The following FANCL variants were observed in gnomAD, a reference collection of about 807,000 sequenced individuals.
The protein encoded by FANCL is FA complementation group L, also known as E3 ubiquitin-protein ligase FANCL.
Under a neutral mutation model 59.4 loss-of-function variants are expected in FANCL, and 69 were observed. That is an observed-to-expected ratio of 1.16 (90% CI 0.96 to 1.42). The LOEUF (loss-of-function observed/expected upper bound fraction) is 1.42. FANCL is among the 40% of genes most tolerant of loss of function. FANCL has a pLI of 0.00. For synonymous variants in FANCL, 180 were observed against 147.1 expected (o/e 1.22, Z -1.62); for missense variants, 519 against 447.2 (o/e 1.16, Z -1.45).
At position 58,159,514 on chromosome 2, in the gene FANCL, T is replaced by A. The variant is rs558816519; in HGVS notation, c.*251A>T. The stretch of plus-strand genomic sequence containing the variant: ...ATTCAAGAAGTCAAGATCTCCATCT[T>A]GGTATAAATACACTTCCACAGTCAG... On this transcript the variant is annotated 3_prime_UTR_variant, in exon 14 of 14. Transcript: ENST00000233741. The A allele has an allele frequency of 1.4e-4, 222 of 1,613,802 alleles. 2 individuals are homozygous for A. The South Asian group carries it at 2.3e-3, about 17-fold the overall frequency.
chr2:58,227,662 C>T (rs1426374390), intron 3 of FANCL, among the ~76,000 whole-genome samples: 1 of 152,188 alleles, frequency 6.6e-6, no homozygotes, highest in Non-Finnish European at 1.5e-5. Context: ...CGTCCAGCCA[C>T]TTGTGTGTGT....
chr2:58,192,564 T>C (rs1323677591), intron 7 of FANCL, among the ~76,000 whole-genome samples: 3 of 151,978 alleles, frequency 2.0e-5, no homozygotes, highest in Non-Finnish European at 4.4e-5. Flanking sequence ...TATATCTACA[T>C]AGGATACAAA....
In FANCL at chr2:58,222,013, C is replaced by T; in HGVS notation, c.303G>A (p.Leu101=). The change falls in exon 5 of 14, where the codon CTG becomes CTA. Residue 101 remains leucine, a synonymous_variant. Coordinates refer to ENST00000233741, the MANE Select transcript of FANCL (RefSeq NM_018062.4). ...LEVALKNRQE[L]YALPPPPQFY... ...ACTGGGGAGGAGGAGGTAGTGCATA[C>T]AGCTCTTGTCTATTCTTTAAGGCAA... The T allele has an allele frequency of 4.3e-6, 7 of 1,613,400 alleles. No homozygotes were observed. The highest frequency in any genetic ancestry group is 5.9e-6 in the Non-Finnish European group (7 of 1,179,516).
Position 58,188,805 on chromosome 2 carries a change from C to A in FANCL, c.540+9789G>T, listed in dbSNP as rs577233560. On this transcript the variant is annotated intron_variant, in intron 7 of 13. Transcript: ENST00000233741. Reference sequence around the variant, plus strand: ...AAAAGAGCTGTTGGGATTTTGATTGCGAATGCATTGAATCTCTAGATCAAT... The same window carrying A: ...AAAAGAGCTGTTGGGATTTTGATTGAGAATGCATTGAATCTCTAGATCAAT... Among the ~76,000 whole-genome samples, 4 of 151,100 alleles carry A rather than the reference C, an allele frequency of 2.6e-5. 1 individual carries two copies. The highest frequency in any genetic ancestry group is 7.3e-5 in the African/African-American group (3 of 41,168).
intron 1 of FANCL, among the ~76,000 whole-genome samples, chr2:58,235,639 A>G (rs1348688464): frequency 1.3e-5 from 2 of 152,136 alleles, no homozygotes; most frequent in Admixed American, 6.6e-5. Context: ...CCAAGCACAT[A>G]TATTTCCTGC....
At chr2:58,205,558 T>C (rs1690500266) in intron 5 of FANCL, among the ~76,000 whole-genome samples, 1 of 152,084 alleles carries the variant, frequency 6.6e-6, no homozygotes, top group Non-Finnish European at 1.5e-5. Flanking sequence ...GTTAAGCACA[T>C]GCATTTATAT....
At position 58,197,703 on chromosome 2, in the gene FANCL, T is replaced by C. The variant is rs576710880; in HGVS notation, c.540+891A>G. 3.9e-5 allele frequency among the ~76,000 whole-genome samples: 6 copies of C among 152,304 alleles called. No homozygotes were observed. In the South Asian group the frequency reaches 6.2e-4, roughly 16 times the overall value. On this transcript the variant is annotated intron_variant, in intron 7 of 13. Coordinates refer to ENST00000233741, the MANE Select transcript of FANCL (RefSeq NM_018062.4). Reference sequence around the variant, plus strand: ...TCTTCTGTATTCTTTACTCAAAATATTGAATGTTCTAAAGCACAAAATAAA... The same window carrying C: ...TCTTCTGTATTCTTTACTCAAAATACTGAATGTTCTAAAGCACAAAATAAA...
intron 7 of FANCL, among the ~76,000 whole-genome samples, chr2:58,168,105 A>G (rs1686142562): frequency 6.6e-6 from 1 of 152,208 alleles, no homozygotes. Flanking sequence ...AGGGAGATGA[A>G]TTCTCTAAAA....
At chr2:58,203,587 T>A (rs930861098) in intron 6 of FANCL, among the ~76,000 whole-genome samples, 1 of 152,036 alleles carries the variant, frequency 6.6e-6, no homozygotes, top group Admixed American at 6.6e-5. Context: ...TTTGTGATTA[T>A]AGATCACTAT....
intron 1 of FANCL, among the ~76,000 whole-genome samples, chr2:58,232,326 C>G (rs374422445): frequency 6.6e-6 from 1 of 151,966 alleles, no homozygotes; most frequent in African/African-American, 2.4e-5. Flanking sequence ...TTTGTAGTTA[C>G]TGGGAAATCA....
chr2:58,234,771 G>GAAACA (rs1693864146), intron 1 of FANCL, among the ~76,000 whole-genome samples: 1 of 151,840 alleles, frequency 6.6e-6, no homozygotes, highest in Admixed American at 6.6e-5. Context: ...AATATAATTG[G>GAAACA]AAACAGACTT....
chr2:58,159,917 G>A (rs1573492171), intron 13 of FANCL, 117 bp from the exon 14 acceptor site: 1 of 1,539,770 alleles, frequency 6.5e-7, no homozygotes, highest in East Asian at 2.3e-5. Flanking sequence ...AAACACTTCT[G>A]AAGTTTCAGA....
chr2:58,173,347 A>G (rs1686883231), intron 7 of FANCL, among the ~76,000 whole-genome samples: 1 of 152,198 alleles, frequency 6.6e-6, no homozygotes, highest in African/African-American at 2.4e-5. Context: ...GATTCACCAA[A>G]GTTGAAATGA....
chr2:58,188,595 C>G (rs563988575), intron 7 of FANCL, among the ~76,000 whole-genome samples: 7 of 151,816 alleles, frequency 4.6e-5, no homozygotes, highest in Non-Finnish European at 1.0e-4. Flanking sequence ...ACGTTGCCCC[C>G]ACACCCAGCT....
At chr2:58,162,499 T>C (rs986954712) in intron 11 of FANCL, among the ~76,000 whole-genome samples, 4 of 151,022 alleles carry the variant, frequency 2.6e-5, no homozygotes, top group Non-Finnish European at 5.9e-5. Context: ...ATACACAGAT[T>C]TTTTTTTTAA....
chr2:58,236,955 A>C (rs1166114243), intron 1 of FANCL, among the ~76,000 whole-genome samples: 2 of 152,208 alleles, frequency 1.3e-5, no homozygotes, highest in African/African-American at 4.8e-5. Context: ...GAACTTCAAA[A>C]TATATGAAGC....
chr2:58,229,775 A>C, intron 3 of FANCL, 39 bp downstream of exon 3: 1 of 1,413,744 alleles, frequency 7.1e-7, no homozygotes. Flanking sequence ...GTAATTTCTT[A>C]TCTTCACTGA....
intron 4 of FANCL, among the ~76,000 whole-genome samples, chr2:58,223,279 G>C (rs1232549747): frequency 2.6e-5 from 4 of 151,826 alleles, no homozygotes; most frequent in African/African-American, 2.4e-5. Flanking sequence ...CCTAAAAATA[G>C]ACTGATGGTC....
intron 5 of FANCL, among the ~76,000 whole-genome samples, chr2:58,208,028 T>C (rs541112698): frequency 6.6e-6 from 1 of 152,346 alleles, no homozygotes; most frequent in East Asian, 1.9e-4. Context: ...CACTGCACTC[T>C]GGCCTTGGTG....
Sources: gnomAD v4.1 joint callset for allele counts (sites outside exome capture counted in the v4.1 genomes callset) on GRCh38, gnomAD v4.1.1 for gene constraint, MANE v1.5 for transcripts, NCBI Gene and HGNC (gene_info 2026-07-23, HGNC 2026-07-21) for gene names.